TENM2: variants seen among roughly 807,000 people sequenced by gnomAD.
TENM2 encodes teneurin transmembrane protein 2, also known as teneurin-2.
A neutral mutation model predicts 245.2 loss-of-function variants in TENM2; 52 were observed. The ratio of observed to expected loss-of-function variants is 0.21; its 90% CI spans 0.17 to 0.27. The LOEUF (loss-of-function observed/expected upper bound fraction) is 0.27, where lower values mean the gene tolerates loss of function less well. TENM2 is among the 10% of genes least tolerant of loss of function. The pLI, the probability that TENM2 is intolerant of heterozygous loss-of-function variation, is 1.00. For synonymous variants in TENM2, 1,363 were observed against 1,438.9 expected (o/e 0.95, Z 1.19); for missense variants, 3,046 against 3,666.8 (o/e 0.83, Z 4.37).
chr5:167,194,065 T>C, the TENM2 span, among the ~76,000 whole-genome samples: 1 of 151,926 alleles, frequency 6.6e-6, no homozygotes, highest in South Asian at 2.1e-4. Context: ...ACTAAATCAC[T>C]GTGAAGGGTG....
chr5:167,390,096 T>G (rs1175765875), intron 2 of TENM2, among the ~76,000 whole-genome samples: 5 of 152,204 alleles, frequency 3.3e-5, no homozygotes, highest in Non-Finnish European at 5.9e-5. Context: ...CACTTATTGG[T>G]GTGAAGATCA....
chr5:167,245,475 A>T, the TENM2 span, among the ~76,000 whole-genome samples: 1 of 151,904 alleles, frequency 6.6e-6, no homozygotes, highest in African/African-American at 2.4e-5. Context: ...AAATATTTCA[A>T]ATGTGCATAT....
intron 12 of TENM2, among the ~76,000 whole-genome samples, chr5:168,155,370 A>G (rs981200687): frequency 6.9e-6 from 1 of 143,970 alleles, no homozygotes; most frequent in Non-Finnish European, 1.5e-5. Context: ...AACAAACAAA[A>G]AAAAAACAGT....
intron 5 of TENM2, among the ~76,000 whole-genome samples, chr5:168,005,184 G>A (rs1784727495): frequency 6.6e-6 from 1 of 152,158 alleles, no homozygotes; most frequent in Non-Finnish European, 1.5e-5. Context: ...AACACCGATG[G>A]CTTGTTTTAT....
chr5:167,704,261 T>C (rs1214685142), intron 2 of TENM2, among the ~76,000 whole-genome samples: 1 of 152,190 alleles, frequency 6.6e-6, no homozygotes, highest in East Asian at 1.9e-4. Context: ...TCTGGGTCCC[T>C]GTCTGAACAG....
chr5:167,949,924 C>G (rs147660287), intron 3 of TENM2, among the ~76,000 whole-genome samples: 51 of 152,202 alleles, frequency 3.4e-4, no homozygotes, highest in African/African-American at 1.1e-3. Context: ...TGAAAATGAG[C>G]AACAGTTAGG....
At chr5:168,052,252 G>A (rs571732402) in intron 6 of TENM2, among the ~76,000 whole-genome samples, 1 of 151,846 alleles carries the variant, frequency 6.6e-6, no homozygotes, top group Non-Finnish European at 1.5e-5. Flanking sequence ...TTAGCCAGGC[G>A]GGGTGGTGGG....
At chr5:167,356,216 A>AAAAAAAAAAAAAAAG (rs1412322682) in intron 1 of TENM2, among the ~76,000 whole-genome samples, 3 of 134,324 alleles carry the variant, frequency 2.2e-5, no homozygotes, top group Admixed American at 7.3e-5. Context: ...AAAAAAAAAA[A>AAAAAAAAAAAAAAAG]AAAAATTAAA....
chr5:167,035,290 C>T, the TENM2 span, among the ~76,000 whole-genome samples: 1 of 152,080 alleles, frequency 6.6e-6, no homozygotes, highest in Non-Finnish European at 1.5e-5. Flanking sequence ...TTTCATGAGT[C>T]AATATACACA....
Position 167,424,225 on chromosome 5 carries a change from C to T in TENM2, c.502+48752C>T, listed in dbSNP as rs79837103. On this transcript the variant is annotated intron_variant, in intron 2 of 28. Transcript: ENST00000518659. ...TGTCTTGTTCTCTCAGTCATTCTTC[C>T]GGCCCCGTTTACCCAGGCAGAATAA... 3.7e-3 allele frequency among the ~76,000 whole-genome samples: 563 copies of T among 152,140 alleles called. 2 individuals are homozygous for T. The highest frequency in any genetic ancestry group is 0.013 in the African/African-American group (531 of 41,482).
At chr5:167,984,449 A>G (rs1299166576) in intron 4 of TENM2, among the ~76,000 whole-genome samples, 2 of 152,162 alleles carry the variant, frequency 1.3e-5, no homozygotes, top group Non-Finnish European at 2.9e-5. Context: ...CGAGGTCAGG[A>G]GTTTGAGACC....
chr5:168,102,722 C>A (rs7708643), intron 9 of TENM2, among the ~76,000 whole-genome samples: 2 of 151,924 alleles, frequency 1.3e-5, no homozygotes, highest in South Asian at 4.1e-4. Flanking sequence ...TGCAAAAATC[C>A]AATGATTAGC....
At chr5:167,462,178 CCCA>C (rs1349837252) in intron 2 of TENM2, among the ~76,000 whole-genome samples, 2 of 80,160 alleles carry the variant, frequency 2.5e-5, no homozygotes, top group Non-Finnish European at 2.5e-5. Flanking sequence ...TTCCCTGACC[CCCA>C]CCCCCCCCCC....
chr5:167,623,989 A>C (rs1778343201), intron 2 of TENM2, among the ~76,000 whole-genome samples: 1 of 152,182 alleles, frequency 6.6e-6, no homozygotes, highest in Non-Finnish European at 1.5e-5. Context: ...AAATTAGTTT[A>C]TCCACTGTGG....
At chr5:167,990,356 C>A (rs17069519) in intron 4 of TENM2, among the ~76,000 whole-genome samples, 9,677 of 152,250 alleles carry the variant, frequency 0.064, 381 homozygotes, top group East Asian at 0.17. Context: ...AAAAGCTACT[C>A]ACATGGGCTG....
chr5:167,108,282 C>T, the TENM2 span, among the ~76,000 whole-genome samples: 43 of 152,126 alleles, frequency 2.8e-4, no homozygotes, highest in Middle Eastern at 6.8e-3. Flanking sequence ...CGGGCCACCA[C>T]GTCCAGCTAG....
chr5:167,716,142 G>C (rs975665744), intron 2 of TENM2, among the ~76,000 whole-genome samples: 5 of 152,180 alleles, frequency 3.3e-5, no homozygotes, highest in African/African-American at 1.2e-4. Context: ...ATTAACTCTG[G>C]AGTGCAGAAA....
At chr5:167,920,940 A>T (rs1439228482) in intron 3 of TENM2, among the ~76,000 whole-genome samples, 3 of 152,124 alleles carry the variant, frequency 2.0e-5, no homozygotes, top group Non-Finnish European at 2.9e-5. Context: ...CTAGGTTATT[A>T]TCCTCTCTCA....
At chr5:167,231,851 C>G in the TENM2 span, among the ~76,000 whole-genome samples, 1 of 151,548 alleles carries the variant, frequency 6.6e-6, no homozygotes, top group African/African-American at 2.4e-5. Context: ...GCCTGGAGGC[C>G]TAGGAGGAAA....
Sources: gnomAD v4.1 joint callset for allele counts (sites outside exome capture counted in the v4.1 genomes callset) on GRCh38, gnomAD v4.1.1 for gene constraint, MANE v1.5 for transcripts, NCBI Gene and HGNC (gene_info 2026-07-23, HGNC 2026-07-21) for gene names.